CD99: variants seen among roughly 807,000 people sequenced by gnomAD.
The protein encoded by CD99 is CD99 antigen.
A neutral mutation model predicts 28.4 loss-of-function variants in CD99; 19 were observed. The ratio of observed to expected loss-of-function variants is 0.67; its 90% CI spans 0.47 to 0.98. The LOEUF is 0.98. Among genes scored for constraint, CD99 ranks in the 50% least tolerant of loss-of-function variants. The pLI, the probability that CD99 is intolerant of heterozygous loss-of-function variation, is 0.00. For synonymous variants in CD99, 103 were observed against 92.1 expected, an observed-to-expected ratio of 1.12 and a Z score of -0.67; for missense variants, 283 against 248.8, an observed-to-expected ratio of 1.14 and a Z score of -0.92.
chrX:2,723,815 G>A (rs1420129177), intron 7 of CD99, among the ~76,000 whole-genome samples: 7 of 152,122 alleles, frequency 4.6e-5, no homozygotes, highest in Admixed American at 2.6e-4. Context: ...TGGAAGTGCC[G>A]GTGATGTATC....
chrX:2,737,945 A>G (rs1419216042), intron 8 of CD99: 4 of 696,670 alleles, frequency 5.7e-6, no homozygotes, highest in Admixed American at 4.2e-5. Flanking sequence ...AAAATAGAGG[A>G]AAATGAAGCT....
rs1349697837 is a variant in CD99 at position 2,726,241 on chromosome X, T to C, written c.362-19T>C. On this transcript the variant is annotated intron_variant, in intron 7 of 9. Coordinates refer to ENST00000381192, the MANE Select transcript of CD99 (RefSeq NM_002414.5). ...ACCGTGCGTGTCTCAATCACGATGC[T>C]GTGTGCTTCCTCCTGCAGCCGACGC... 2 of 1,504,256 alleles carry C rather than the reference T, an allele frequency of 1.3e-6. No individual in the cohort carries two copies. The highest frequency in any genetic ancestry group is 1.4e-5 in the African/African-American group (1 of 72,794). The allele number at this position is 1,504,256 out of a possible 1,614,324, so 93.2% of individuals were successfully genotyped here. A position where few individuals can be genotyped will look rare whatever the true frequency, so the allele number is the denominator to read the frequency against.
At chrX:2,739,874 G>A (rs2050117737) in intron 9 of CD99, among the ~76,000 whole-genome samples, 1 of 144,660 alleles carries the variant, frequency 6.9e-6, no homozygotes, top group Non-Finnish European at 1.5e-5. Context: ...TTGGGAGTTC[G>A]AGACCAGCCT....
chrX:2,716,016 ATTTT>A (rs774911227), intron 2 of CD99, among the ~76,000 whole-genome samples: 1 of 129,190 alleles, frequency 7.7e-6, no homozygotes, highest in Admixed American at 7.8e-5. Context: ...AGCCCTCTTC[ATTTT>A]TTTTTTTTTT....
chrX:2,728,200 C>CTTTTT (rs892410632), intron 8 of CD99, among the ~76,000 whole-genome samples: 12 of 106,972 alleles, frequency 1.1e-4, no homozygotes, highest in Non-Finnish European at 1.5e-4. Flanking sequence ...TTGGTTGTTT[C>CTTTTT]TTTTTTTTTT....
intron 8 of CD99, among the ~76,000 whole-genome samples, chrX:2,737,397 C>T (rs1288084471): frequency 5.4e-5 from 6 of 111,618 alleles, no homozygotes; most frequent in African/African-American, 1.8e-4. Flanking sequence ...AGGATGGGCT[C>T]GATCTCTTGA....
intron 8 of CD99, among the ~76,000 whole-genome samples, chrX:2,728,783 T>C (rs2049431602): frequency 6.6e-6 from 1 of 151,994 alleles, no homozygotes; most frequent in Admixed American, 6.6e-5. Context: ...AAGGCTTGTT[T>C]GCCAGGACAG....
intron 8 of CD99, among the ~76,000 whole-genome samples, chrX:2,730,452 A>C (rs764676506): frequency 2.0e-5 from 3 of 152,130 alleles, no homozygotes; most frequent in South Asian, 4.1e-4. Flanking sequence ...AATTACAGGC[A>C]TGAGCCACCG....
rs775137030 is a variant in CD99, at chrX:2,726,306, C to T, written c.408C>T (p.Val136=). 3.3e-5 allele frequency: 53 copies of T among 1,611,940 alleles called. No individual in the cohort carries two copies. Among genetic ancestry groups the T allele is most frequent in the Non-Finnish European group, 4.3e-5 (51 of 1,179,696 alleles). Residue 136 remains valine, a synonymous_variant, in exon 8 of 10, where the codon GTC becomes GTT. Transcript: ENST00000381192. ...CCGGGATTGTGGGGGCTGTCGTGGT[C>T]GCCGTGGCTGGAGCCATCTCTAGCT... ...VIPGIVGAVV[V]AVAGAISSFI... is the part of the protein sequence containing the mutation.
At chrX:2,706,196 A>G (rs746357925) in intron 1 of CD99, among the ~76,000 whole-genome samples, 69 of 152,066 alleles carry the variant, frequency 4.5e-4, no homozygotes, top group Non-Finnish European at 7.8e-4. Flanking sequence ...AGTCTCTACT[A>G]AAAATACAAA....
intron 8 of CD99, among the ~76,000 whole-genome samples, chrX:2,736,046 C>T (rs2049917105): frequency 6.6e-6 from 1 of 151,636 alleles, no homozygotes; most frequent in Non-Finnish European, 1.5e-5. Flanking sequence ...ACTAAAAATA[C>T]AAAAAATTAG....
At chrX:2,692,583 T>A (rs1035976260) in intron 1 of CD99, among the ~76,000 whole-genome samples, 1 of 152,176 alleles carries the variant, frequency 6.6e-6, no homozygotes, top group Non-Finnish European at 1.5e-5. Context: ...TGAAGCCTGC[T>A]CCGTAGAGGA....
In CD99 at chrX:2,723,296, G is replaced by T. The variant is rs201769853; in HGVS notation, c.311-18G>T. The T allele has an allele frequency of 5.7e-5, 92 of 1,613,730 alleles. No homozygotes were observed. Among genetic ancestry groups the T allele is most frequent in the Non-Finnish European group, 1.4e-5 (16 of 1,179,782 alleles). Reference sequence around the variant, plus strand: ...GACCCCAAACCTTCCCATTGCAGACGTTGTTTTTGTCTTGCAGGAAAAGGA... The same window carrying T: ...GACCCCAAACCTTCCCATTGCAGACTTTGTTTTTGTCTTGCAGGAAAAGGA... On this transcript the variant is annotated intron_variant, in intron 6 of 9. Coordinates refer to ENST00000381192, the MANE Select transcript of CD99 (RefSeq NM_002414.5).
At chrX:2,704,517 T>C (rs982150895) in intron 1 of CD99, among the ~76,000 whole-genome samples, 18 of 152,126 alleles carry the variant, frequency 1.2e-4, no homozygotes, top group African/African-American at 4.3e-4. Context: ...CACTGCAACC[T>C]CCATCTGCCA....
At chrX:2,726,198 C>T (rs964965620) in intron 7 of CD99, 62 bp from the exon 8 acceptor site, 1 of 994,308 alleles carries the variant, frequency 1.0e-6, no homozygotes, top group Admixed American at 1.8e-5. Context: ...AGCCACTGCC[C>T]CCTGGGATCT....
intron 1 of CD99, among the ~76,000 whole-genome samples, chrX:2,700,944 T>A (rs2047830610): frequency 1.7e-5 from 2 of 120,580 alleles, no homozygotes; most frequent in African/African-American, 6.4e-5. Context: ...CAACCATCCA[T>A]CCATACCTCC....
chrX:2,730,929 CAAAAAAA>C, intron 8 of CD99, among the ~76,000 whole-genome samples: 1 of 106,174 alleles, frequency 9.4e-6, no homozygotes, highest in East Asian at 2.9e-4. Flanking sequence ...GACTCTGTCT[CAAAAAAA>C]AAAAAAAAAA....
chrX:2,736,239 G>A (rs191946280), intron 8 of CD99, among the ~76,000 whole-genome samples: 4 of 150,980 alleles, frequency 2.6e-5, no homozygotes, highest in East Asian at 3.9e-4. Context: ...GAAAAGTTAC[G>A]CTGCTGCACC....
chrX:2,736,991 T>C (rs1351929694), intron 8 of CD99, among the ~76,000 whole-genome samples: 1 of 151,838 alleles, frequency 6.6e-6, no homozygotes, highest in African/African-American at 2.4e-5. Context: ...CTTTGATGGC[T>C]GGGGAAGCTC....
Sources: gnomAD v4.1 joint callset for allele counts (sites outside exome capture counted in the v4.1 genomes callset) on GRCh38, gnomAD v4.1.1 for gene constraint, MANE v1.5 for transcripts, NCBI Gene and HGNC (gene_info 2026-07-23, HGNC 2026-07-21) for gene names.